Variants in LRRTM4 observed in about 807,000 individuals in gnomAD.
LRRTM4 encodes the protein leucine-rich repeat transmembrane neuronal protein 4.
LRRTM4 carries 25 observed loss-of-function variants against 47.6 expected under a neutral mutation model. The ratio of observed to expected loss-of-function variants is 0.53; its 90% CI spans 0.38 to 0.73. The LOEUF is 0.73. Ranked by LOEUF, LRRTM4 falls within the 30% of genes least tolerant of loss-of-function variation. The probability of loss-of-function intolerance (pLI) is 0.00; values close to 1 mark genes in which losing one functional copy is unlikely to be tolerated. For missense variants in LRRTM4, 638 were observed against 713.4 expected (o/e 0.89, Z 1.20); for synonymous variants, 311 against 269.5 (o/e 1.15, Z -1.51).
At chr2:77,052,981 TA>T (rs796544033) in intron 3 of LRRTM4, among the ~76,000 whole-genome samples, 83 of 143,812 alleles carry the variant, frequency 5.8e-4, no homozygotes, top group Middle Eastern at 3.5e-3. Context: ...GGAGAAAGGC[TA>T]AAAAAAAAAA....
chr2:76,780,502 A>G (rs1573090216), intron 3 of LRRTM4, among the ~76,000 whole-genome samples: 1 of 151,766 alleles, frequency 6.6e-6, no homozygotes, highest in African/African-American at 2.4e-5. Flanking sequence ...GCTTCATTTC[A>G]TTCATTTCAT....
chr2:77,501,394 C>A (rs999147627), intron 3 of LRRTM4, among the ~76,000 whole-genome samples: 1 of 150,192 alleles, frequency 6.7e-6, no homozygotes, highest in African/African-American at 2.4e-5. Context: ...ATGTATGTAT[C>A]CATAAGTAAC....
chr2:77,346,870 GAATT>G (rs1671581121), intron 3 of LRRTM4, among the ~76,000 whole-genome samples: 1 of 151,874 alleles, frequency 6.6e-6, no homozygotes, highest in South Asian at 2.1e-4. Context: ...AAAATTTTGG[GAATT>G]AATATTTATA....
intron 3 of LRRTM4, among the ~76,000 whole-genome samples, chr2:77,203,901 G>A (rs928606794): frequency 3.3e-5 from 5 of 152,154 alleles, no homozygotes; most frequent in African/African-American, 1.2e-4. Context: ...TTTCAGTCTA[G>A]AAGTCTGAGG....
At chr2:76,916,430 G>A (rs555983228) in intron 3 of LRRTM4, among the ~76,000 whole-genome samples, 1 of 146,134 alleles carries the variant, frequency 6.8e-6, no homozygotes, top group East Asian at 2.0e-4. Flanking sequence ...AATATGTATG[G>A]TCAGGAAAAA....
intron 3 of LRRTM4, among the ~76,000 whole-genome samples, chr2:76,833,423 T>C (rs1671413152): frequency 6.6e-6 from 1 of 152,058 alleles, no homozygotes; most frequent in East Asian, 1.9e-4. Context: ...CTAGAGAAAC[T>C]AGATATAAAG....
At position 77,039,704 on chromosome 2, in the gene LRRTM4, T is replaced by C. The variant is rs954957363; in HGVS notation, c.1552-290788A>G. On this transcript the variant is annotated intron_variant, in intron 3 of 3. Transcript: ENST00000409884. The stretch of plus-strand genomic sequence containing the variant: ...TATTTGTATACACAGATTAGATCCT[T>C]ACATTAGAATGTTCCCTTTTTTCAT... Among the ~76,000 whole-genome samples the C allele has an allele frequency of 4.6e-5, 7 of 151,292 alleles. 1 individual carries two copies. Among genetic ancestry groups the C allele is most frequent in the Non-Finnish European group, 8.9e-5 (6 of 67,470 alleles).
intron 3 of LRRTM4, among the ~76,000 whole-genome samples, chr2:77,276,106 C>A (rs1332684190): frequency 6.6e-6 from 1 of 151,946 alleles, no homozygotes; most frequent in Non-Finnish European, 1.5e-5. Context: ...AATCTATCTT[C>A]AACTTTTGCT....
chr2:76,803,042 A>G (rs1305776625), intron 3 of LRRTM4, among the ~76,000 whole-genome samples: 3 of 152,164 alleles, frequency 2.0e-5, no homozygotes, highest in Admixed American at 6.5e-5. Context: ...GGTCTGGGTA[A>G]TGATTTATTT....
At chr2:77,487,583 G>A (rs577575609) in intron 3 of LRRTM4, among the ~76,000 whole-genome samples, 1 of 152,266 alleles carries the variant, frequency 6.6e-6, no homozygotes, top group East Asian at 1.9e-4. Context: ...CATGGATGGT[G>A]GGTTGATGGC....
chr2:77,356,877 A>C (rs1671988341), intron 3 of LRRTM4, among the ~76,000 whole-genome samples: 1 of 152,140 alleles, frequency 6.6e-6, no homozygotes, highest in Admixed American at 6.5e-5. Context: ...AATTGTTGTG[A>C]AGGCCTAATT....
chr2:77,086,919 C>T (rs927804829), intron 3 of LRRTM4, among the ~76,000 whole-genome samples: 2 of 115,604 alleles, frequency 1.7e-5, no homozygotes, highest in African/African-American at 1.1e-4. Context: ...TCTAAATAAC[C>T]TCCAGAAAAA....
chr2:77,489,868 T>A (rs535573857), intron 3 of LRRTM4, among the ~76,000 whole-genome samples: 1 of 152,322 alleles, frequency 6.6e-6, no homozygotes, highest in African/African-American at 2.4e-5. Context: ...TTGGGTTCAG[T>A]CTTGCTAACT....
intron 3 of LRRTM4, among the ~76,000 whole-genome samples, chr2:76,867,820 C>T (rs983185723): frequency 1.3e-5 from 2 of 152,094 alleles, no homozygotes; most frequent in African/African-American, 2.4e-5. Context: ...TACACCCTTT[C>T]CCCTTAATAC....
At chr2:77,426,883 A>G (rs1221133917) in intron 3 of LRRTM4, among the ~76,000 whole-genome samples, 3 of 148,216 alleles carry the variant, frequency 2.0e-5, no homozygotes, top group African/African-American at 7.5e-5. Context: ...AGATAAAGAA[A>G]TCTCTCCACA....
At chr2:77,036,768 T>C (rs1177917778) in intron 3 of LRRTM4, among the ~76,000 whole-genome samples, 2 of 151,502 alleles carry the variant, frequency 1.3e-5, no homozygotes, top group African/African-American at 4.8e-5. Flanking sequence ...GAAAGAAGAG[T>C]CTTTTCCAGT....
At chr2:77,063,868 TC>T (rs1370413298) in intron 3 of LRRTM4, among the ~76,000 whole-genome samples, 3 of 152,154 alleles carry the variant, frequency 2.0e-5, no homozygotes, top group Non-Finnish European at 4.4e-5. Context: ...AGGCTACTGT[TC>T]TTGGACATTG....
intron 3 of LRRTM4, among the ~76,000 whole-genome samples, chr2:77,265,467 T>G (rs371267764): frequency 1.4e-4 from 22 of 152,124 alleles, no homozygotes; most frequent in African/African-American, 5.1e-4. Context: ...GCTGCCCCTG[T>G]GCTGCCATCT....
At chr2:77,446,854 A>T (rs1676072895) in intron 3 of LRRTM4, among the ~76,000 whole-genome samples, 2 of 152,110 alleles carry the variant, frequency 1.3e-5, no homozygotes. Context: ...TGTAAATAAT[A>T]ACTCAGGCTT....
Sources: allele counts gnomAD v4.1 joint callset (sites outside exome capture counted in the v4.1 genomes callset), GRCh38; gene constraint gnomAD v4.1.1; transcripts MANE v1.5; gene names NCBI Gene and HGNC (gene_info 2026-07-23, HGNC 2026-07-21).